SAXO1: variants seen among roughly 807,000 people sequenced by gnomAD.
The protein encoded by SAXO1 is stabilizer of axonemal microtubules 1.
A neutral mutation model predicts 17.5 loss-of-function variants in SAXO1; 21 were observed. The observed-to-expected ratio is 1.20, with a 90% CI of 0.85 to 1.72. The LOEUF is 1.72. SAXO1 is among the 40% of genes most tolerant of loss of function. The pLI, the probability that SAXO1 is intolerant of heterozygous loss-of-function variation, is 0.00. For synonymous variants in SAXO1, 274 were observed against 216.5 expected (o/e 1.27, Z -2.33); for missense variants, 843 against 596.0 (o/e 1.41, Z -4.32).
At position 18,961,200 on chromosome 9, in the gene SAXO1, T is replaced by C. The variant is rs76891264; in HGVS notation, c.39-10263A>G. ...TTTTTTTGGAGGTGGGGGTTCTCGC[T>C]CTGTCAGCCAGGCTAGAGTGCAGTG... On this transcript the variant is annotated intron_variant, in intron 1 of 3. Transcript: ENST00000380534. 3.4e-3 allele frequency among the ~76,000 whole-genome samples: 510 copies of C among 151,774 alleles called. 5 individuals carry two copies. The highest frequency in any genetic ancestry group is 5.7e-3 in the Non-Finnish European group (388 of 67,936).
chr9:19,004,482 A>G (rs1834409944), intron 1 of SAXO1, among the ~76,000 whole-genome samples: 2 of 152,256 alleles, frequency 1.3e-5, no homozygotes, highest in Admixed American at 1.3e-4. Context: ...TCCATCAATA[A>G]TAGACTGGAT....
At chr9:19,020,602 G>A (rs1449855781) in intron 1 of SAXO1, among the ~76,000 whole-genome samples, 1 of 152,012 alleles carries the variant, frequency 6.6e-6, no homozygotes, top group African/African-American at 2.4e-5. Context: ...CAAGTGATTT[G>A]CCCACCTCAG....
At chr9:19,040,077 C>T (rs1032226126) in intron 1 of SAXO1, among the ~76,000 whole-genome samples, 8 of 152,102 alleles carry the variant, frequency 5.3e-5, no homozygotes, top group African/African-American at 9.7e-5. Context: ...TGTTCCAAGG[C>T]ACGGTGCACT....
At chr9:18,998,879 T>A (rs1366006560) in intron 1 of SAXO1, among the ~76,000 whole-genome samples, 1 of 152,146 alleles carries the variant, frequency 6.6e-6, no homozygotes, top group Middle Eastern at 3.2e-3. Context: ...GAAGGAGAAA[T>A]AAAATCCTTT....
chr9:18,997,610 T>C (rs986881415), intron 1 of SAXO1, among the ~76,000 whole-genome samples: 17 of 152,246 alleles, frequency 1.1e-4, no homozygotes, highest in African/African-American at 3.6e-4. Context: ...AAGACAGCAG[T>C]GGTTCTCCCA....
At chr9:18,941,516 G>T in intron 3 of SAXO1, 121 bp downstream of exon 3, 2 of 1,102,766 alleles carry the variant, frequency 1.8e-6, no homozygotes, top group Non-Finnish European at 2.7e-6. Context: ...GCCAGATCTG[G>T]CCCGTAGGAA....
At chr9:19,023,356 C>T (rs976709149) in intron 1 of SAXO1, among the ~76,000 whole-genome samples, 1 of 152,152 alleles carries the variant, frequency 6.6e-6, no homozygotes, top group Non-Finnish European at 1.5e-5. Context: ...TAACATCTAC[C>T]TATGCCTTAC....
chr9:18,969,980 A>G (rs1446410402), intron 1 of SAXO1, among the ~76,000 whole-genome samples: 1 of 152,218 alleles, frequency 6.6e-6, no homozygotes. Context: ...TTCCTCTCTG[A>G]GGAAAATTCA....
At position 18,983,347 on chromosome 9, in the gene SAXO1, T is replaced by A. The variant is rs544156900; in HGVS notation, c.39-32410A>T. Among the ~76,000 whole-genome samples the A allele has an allele frequency of 1.8e-3, 273 of 152,236 alleles. 2 individuals are homozygous for A. Among genetic ancestry groups the A allele is most frequent in the African/African-American group, 6.2e-3 (257 of 41,540 alleles). ...AGCATCAGATCTTGTGAGAAGTCAC[T>A]ACCATGAGAACAGCATGGGGGAAAC... On this transcript the variant is annotated intron_variant, in intron 1 of 3. Coordinates refer to ENST00000380534, the MANE Select transcript of SAXO1 (RefSeq NM_153707.4).
chr9:18,952,158 A>C (rs1442844089), intron 1 of SAXO1, among the ~76,000 whole-genome samples: 2 of 152,352 alleles, frequency 1.3e-5, no homozygotes, highest in African/African-American at 4.8e-5. Flanking sequence ...GTGTGTGCCC[A>C]CAATCTTCAC....
intron 1 of SAXO1, among the ~76,000 whole-genome samples, chr9:18,975,731 T>A (rs1833121424): frequency 6.6e-6 from 1 of 152,216 alleles, no homozygotes; most frequent in East Asian, 1.9e-4. Context: ...TCAAACCCCA[T>A]GCTTTTCTCT....
At chr9:19,033,417 T>G (rs1439594230), upstream of SAXO1, among the ~76,000 whole-genome samples, 1 of 152,240 alleles carries the variant, frequency 6.6e-6, no homozygotes, top group African/African-American at 2.4e-5. Flanking sequence ...AGAAAGCTCC[T>G]GGTGCAGTAA....
chr9:18,988,840 T>C (rs985986780), intron 1 of SAXO1, among the ~76,000 whole-genome samples: 2 of 152,118 alleles, frequency 1.3e-5, no homozygotes, highest in African/African-American at 4.8e-5. Flanking sequence ...GAAAATATGA[T>C]TCGCTTTATA....
chr9:18,946,252 G>A (rs1230709947), intron 2 of SAXO1, among the ~76,000 whole-genome samples: 1 of 133,250 alleles, frequency 7.5e-6, no homozygotes, highest in Non-Finnish European at 1.5e-5. Flanking sequence ...CTCCAGCCTG[G>A]GCAACAAGAG....
intron 1 of SAXO1, among the ~76,000 whole-genome samples, chr9:19,048,456 C>G (rs899345597): frequency 7.0e-6 from 1 of 142,648 alleles, no homozygotes; most frequent in African/African-American, 2.7e-5. Flanking sequence ...GACTCCGTCT[C>G]AAAAGAAAAA....
intron 1 of SAXO1, among the ~76,000 whole-genome samples, chr9:18,958,825 C>T (rs1353556713): frequency 6.6e-6 from 1 of 151,018 alleles, no homozygotes; most frequent in African/African-American, 2.4e-5. Flanking sequence ...ACATCTGGAA[C>T]AACAACGAAG....
upstream of SAXO1, among the ~76,000 whole-genome samples, chr9:19,038,127 G>A (rs1362185992): frequency 6.6e-6 from 1 of 152,170 alleles, no homozygotes; most frequent in Non-Finnish European, 1.5e-5. Context: ...GAGAGGATGT[G>A]GAGAAACAGG....
chr9:18,941,856 G>A lies in SAXO1; in HGVS notation c.219-17C>T, dbSNP rs778301607. The A allele has an allele frequency of 7.4e-6, 12 of 1,613,292 alleles. No homozygotes were observed. The East Asian group carries it at 2.5e-4, about 33-fold the overall frequency. On this transcript the variant is annotated splice_polypyrimidine_tract_variant and intron_variant, in intron 2 of 3. Coordinates refer to ENST00000380534, the MANE Select transcript of SAXO1 (RefSeq NM_153707.4). ...AAATCTCTCCTGTAAGGAAGCAAGT[G>A]CATGCTGTTGGGGTCCTTGGCTTGC... is the stretch of plus-strand genomic sequence containing the variant.
At chr9:18,957,858 T>G (rs1832318940) in intron 1 of SAXO1, among the ~76,000 whole-genome samples, 1 of 152,250 alleles carries the variant, frequency 6.6e-6, no homozygotes, top group African/African-American at 2.4e-5. Flanking sequence ...TGTGTTTACC[T>G]GCAGTGGTTT....
Sources: gnomAD v4.1 joint callset for allele counts (sites outside exome capture counted in the v4.1 genomes callset) on GRCh38, gnomAD v4.1.1 for gene constraint, MANE v1.5 for transcripts, NCBI Gene and HGNC (gene_info 2026-07-23, HGNC 2026-07-21) for gene names.